The following NOTCH2NLC variants were observed in gnomAD, a reference collection of about 807,000 sequenced individuals.
The protein encoded by NOTCH2NLC is notch homolog 2 N-terminal-like protein C.
In NOTCH2NLC, 4 loss-of-function variants were observed where a neutral mutation model predicts 17.7. The observed-to-expected ratio is 0.23, with a 90% confidence interval of 0.11 to 0.52. The LOEUF (loss-of-function observed/expected upper bound fraction) is 0.52. NOTCH2NLC is among the 20% of genes least tolerant of loss of function. NOTCH2NLC has a pLI of 0.96. For missense variants in NOTCH2NLC, 57 were observed against 207.2 expected (o/e 0.28, Z 4.45); for synonymous variants, 18 against 86.0 (o/e 0.21, Z 4.38).
chr1:149,464,807 C>A lies in NOTCH2NLC; in HGVS notation c.*654C>A, dbSNP rs2084675427. ...AGGGGGGAGTAATGTGCTAAGTAAG[C>A]AGAATTGCCTCCAAAAGAAGTTGTT... On this transcript the variant is annotated 3_prime_UTR_variant, in exon 5 of 5. Coordinates refer to ENST00000650865, the MANE Select transcript of NOTCH2NLC (RefSeq NM_001364013.2). 1 of 151,368 alleles carries A rather than the reference C, an allele frequency of 6.6e-6. No individual in the cohort carries two copies. The highest frequency in any genetic ancestry group is 1.9e-4 in the East Asian group (1 of 5,136). 9.4% of individuals were successfully genotyped at this position (151,368 alleles called of 1,614,324 possible). A position where few individuals can be genotyped will look rare whatever the true frequency, so the allele number is the denominator to read the frequency against.
chr1:149,407,215 G>A (rs1156399941), intron 1 of NOTCH2NLC, among the ~76,000 whole-genome samples: 1 of 147,700 alleles, frequency 6.8e-6, no homozygotes, highest in African/African-American at 2.5e-5. Context: ...GGTTTAAAAT[G>A]TTAGAAGCAG....
chr1:149,460,859 CTTTCTTTCTTT>C (rs2084641826), intron 3 of NOTCH2NLC, among the ~76,000 whole-genome samples: 7 of 1,796 alleles, frequency 3.9e-3, no homozygotes, highest in East Asian at 9.7e-3. Flanking sequence ...TTCTCCCTTT[CTTTCTTTCTTT>C]CTTTCTTTCT....
chr1:149,430,833 A>T, intron 1 of NOTCH2NLC, 109 bp from the exon 2 acceptor site: 1 of 323,304 alleles, frequency 3.1e-6, no homozygotes. Flanking sequence ...AACCCAGATT[A>T]GGTGGGAATG....
At chr1:149,395,464 C>CT (rs2084199689) in intron 1 of NOTCH2NLC, among the ~76,000 whole-genome samples, 1 of 145,516 alleles carries the variant, frequency 6.9e-6, no homozygotes, top group Non-Finnish European at 1.5e-5. Context: ...GGGTTTCTTT[C>CT]TTTCTTTTTC....
At chr1:149,417,337 T>C (rs2084341854) in intron 1 of NOTCH2NLC, among the ~76,000 whole-genome samples, 1 of 150,904 alleles carries the variant, frequency 6.6e-6, no homozygotes, top group Non-Finnish European at 1.5e-5. Context: ...CTCGATCTCC[T>C]GACCTCGTGA....
In NOTCH2NLC at chr1:149,460,923, TTCTCTCTTTC is replaced by T. The variant is rs1481156590; in HGVS notation, c.470-2557_470-2548del. Among the ~76,000 whole-genome samples, 61 of 131,750 alleles carry T rather than the reference TTCTCTCTTTC, an allele frequency of 4.6e-4. 1 individual carries two copies. The Middle Eastern group carries it at 0.012, about 25-fold the overall frequency. 86.4% of individuals were successfully genotyped at this position (131,750 alleles called of 152,430 possible). On this transcript the variant is annotated intron_variant, in intron 3 of 4. Coordinates refer to ENST00000650865, the MANE Select transcript of NOTCH2NLC (RefSeq NM_001364013.2). Reference sequence around the variant, plus strand: ...TCTTTCTTTCTTTCTTTCTCTCTCTTTCTCTCTTTCTCTCTCTTTCCCTCTCTCTTTCTGT... The same window carrying T: ...TCTTTCTTTCTTTCTTTCTCTCTCTTTCTCTCTTTCCCTCTCTCTTTCTGT...
In NOTCH2NLC at chr1:149,460,843, C is replaced by T. The variant is rs1194866979; in HGVS notation, c.470-2648C>T. Among the ~76,000 whole-genome samples, 244 of 147,566 alleles carry T rather than the reference C, an allele frequency of 1.7e-3. 13 individuals are homozygous for T. The highest frequency in any genetic ancestry group is 1.3e-3 in the Non-Finnish European group (86 of 66,330). On this transcript the variant is annotated intron_variant, in intron 3 of 4. Transcript: ENST00000650865. ...AAACCAAATTCAGGGTTGATTCTTT[C>T]TTTCTTTCTCCCTTTCTTTCTTTCT...
Position 149,466,028 on chromosome 1 carries a change from TG to T in NOTCH2NLC, c.*1878del, listed in dbSNP as rs2084680807. The T allele has an allele frequency of 2.1e-5, 1 of 47,038 alleles. No individual in the cohort carries two copies. The allele number at this position is 47,038 out of a possible 1,614,324, so 2.9% of individuals were successfully genotyped here. ...TTGTACAGCTAATATGTGGTTAGGC[TG>T]GGTCCTGAAACCGAGGCAGTTTATT... On this transcript the variant is annotated 3_prime_UTR_variant, in exon 5 of 5. Transcript: ENST00000650865.
rs1471425475 is a variant in NOTCH2NLC, at chr1:149,443,655, G to A, written c.210-11663G>A. On this transcript the variant is annotated intron_variant, in intron 2 of 4. Coordinates refer to ENST00000650865, the MANE Select transcript of NOTCH2NLC (RefSeq NM_001364013.2). ...AAGCATTTTGGGCTGACTGAACAGC[G>A]TGTACAGAGGTCTGGAAGTGAGAAG... Among the ~76,000 whole-genome samples the A allele has an allele frequency of 4.0e-5, 6 of 150,108 alleles. No individual in the cohort carries two copies. The East Asian group carries it at 5.9e-4, about 15-fold the overall frequency.
Position 149,390,845 on chromosome 1 carries a change from C to T in NOTCH2NLC, c.58C>T (p.Arg20Ter). Residue 20 changes from arginine (R) to a stop codon, truncating the protein, a stop_gained, in exon 1 of 5, where the codon CGA (arginine) becomes TGA (stop). Transcript: ENST00000650865. LOFTEE classifies it high-confidence loss of function. ...GGGGGGGGGD[R>*]EDARPAPLCC... is the part of the protein sequence containing the mutation. Reference sequence around the variant, plus strand: ...CGGCGGCGGCGGAGGAGGCGGCGACCGAGAAGATGCCCGCCCTGCGCCGCT... The same window carrying T: ...CGGCGGCGGCGGAGGAGGCGGCGACTGAGAAGATGCCCGCCCTGCGCCGCT... The T allele has an allele frequency of 1.1e-6, 1 of 906,812 alleles. No homozygotes were observed. Among genetic ancestry groups the T allele is most frequent in the Non-Finnish European group, 1.4e-6 (1 of 713,460 alleles). 56.2% of individuals were successfully genotyped at this position (906,812 alleles called of 1,614,324 possible).
rs1425364602 is a variant in NOTCH2NLC, at chr1:149,429,545, G to A, written c.136-1397G>A. Among the ~76,000 whole-genome samples, 19 of 150,852 alleles carry A rather than the reference G, an allele frequency of 1.3e-4. 1 individual carries two copies. The highest frequency in any genetic ancestry group is 1.3e-3 in the South Asian group (6 of 4,766). ...TAATTTATGTAAAGTACTTAGGATA[G>A]TGCCTGGTATTTAGTAAGTTCTATG... On this transcript the variant is annotated intron_variant, in intron 1 of 4. Coordinates refer to ENST00000650865, the MANE Select transcript of NOTCH2NLC (RefSeq NM_001364013.2).
Position 149,413,283 on chromosome 1 carries a change from A to G in NOTCH2NLC, c.136-17659A>G, listed in dbSNP as rs1225030594. ...ACCACTTCCTTAGAAGTGCACCTGG[A>G]AATGCCTGGGAATTGAATTTTATCT... On this transcript the variant is annotated intron_variant, in intron 1 of 4. Coordinates refer to ENST00000650865, the MANE Select transcript of NOTCH2NLC (RefSeq NM_001364013.2). 9.9e-4 allele frequency among the ~76,000 whole-genome samples: 150 copies of G among 150,968 alleles called. 1 individual carries two copies. The highest frequency in any genetic ancestry group is 3.3e-3 in the African/African-American group (137 of 41,196).
At chr1:149,427,544 G>T (rs1389509394) in intron 1 of NOTCH2NLC, among the ~76,000 whole-genome samples, 2 of 80,512 alleles carry the variant, frequency 2.5e-5, no homozygotes, top group African/African-American at 1.0e-4. Flanking sequence ...TGTCACTCAG[G>T]CTGGAGTGCA....
chr1:149,448,385 TATG>T, intron 2 of NOTCH2NLC, among the ~76,000 whole-genome samples: 1 of 75,416 alleles, frequency 1.3e-5, no homozygotes, highest in Non-Finnish European at 2.6e-5. Flanking sequence ...AAAGACTCAA[TATG>T]ATGGATTTAA....
rs1255473028 is a variant in NOTCH2NLC, at chr1:149,471,163, T to C, written c.*7010T>C. ...TTCAGATCCTTTACCTACTTTATAA[T>C]TGGTTTATCTTTTTAATATTGAACT... On this transcript the variant is annotated 3_prime_UTR_variant, in exon 5 of 5. Transcript: ENST00000650865. 1.3e-5 allele frequency among the ~76,000 whole-genome samples: 2 copies of C among 150,558 alleles called. No individual in the cohort carries two copies. The highest frequency in any genetic ancestry group is 3.0e-5 in the Non-Finnish European group (2 of 67,394).
At chr1:149,417,272 C>T (rs1327815894) in intron 1 of NOTCH2NLC, among the ~76,000 whole-genome samples, 1 of 150,142 alleles carries the variant, frequency 6.7e-6, no homozygotes, top group Non-Finnish European at 1.5e-5. Context: ...ACCACGCCCG[C>T]TAATTTTTTG....
At chr1:149,433,850 A>G (rs1319797019) in intron 2 of NOTCH2NLC, among the ~76,000 whole-genome samples, 1 of 150,686 alleles carries the variant, frequency 6.6e-6, no homozygotes, top group Non-Finnish European at 1.5e-5. Context: ...CGGGAGGCTG[A>G]GGCAGGAGAA....
At chr1:149,442,382 TAAA>T (rs2084525321) in intron 2 of NOTCH2NLC, among the ~76,000 whole-genome samples, 1 of 145,202 alleles carries the variant, frequency 6.9e-6, no homozygotes, top group African/African-American at 2.5e-5. Context: ...TGAGGGATAT[TAAA>T]AAAGAGACAC....
In NOTCH2NLC at chr1:149,468,052, CT is replaced by C. The variant is rs1421041351; in HGVS notation, c.*3900del. 1 of 150,254 alleles carries C rather than the reference CT, an allele frequency of 6.7e-6. No individual in the cohort carries two copies. Among genetic ancestry groups the C allele is most frequent in the African/African-American group, 2.4e-5 (1 of 40,938 alleles). The allele number at this position is 150,254 out of a possible 1,614,324, so 9.3% of individuals were successfully genotyped here. A position where few individuals can be genotyped will look rare whatever the true frequency, so the allele number is the denominator to read the frequency against. ...GCACATTCTGTGGCTTTTGTGTCTACTCTGTTGTTGCTGAGCTTATGAACTA... is the reference window on the plus strand; with the variant it reads ...GCACATTCTGTGGCTTTTGTGTCTACCTGTTGTTGCTGAGCTTATGAACTA... On this transcript the variant is annotated 3_prime_UTR_variant, in exon 5 of 5. Transcript: ENST00000650865.
Sources: allele counts gnomAD v4.1 joint callset (sites outside exome capture counted in the v4.1 genomes callset), GRCh38; gene constraint gnomAD v4.1.1; transcripts MANE v1.5; gene names NCBI Gene and HGNC (gene_info 2026-07-23, HGNC 2026-07-21).